The following NDUFA10 variants were observed in gnomAD, a reference collection of about 807,000 sequenced individuals.
NDUFA10 encodes NADH:ubiquinone oxidoreductase subunit A10, also known as NADH dehydrogenase [ubiquinone] 1 alpha subcomplex subunit 10, mitochondrial.
A neutral mutation model predicts 47.8 loss-of-function variants in NDUFA10; 40 were observed. The ratio of observed to expected loss-of-function variants is 0.84; its 90% confidence interval spans 0.65 to 1.09. NDUFA10 has a LOEUF of 1.09. NDUFA10 is among the 50% of genes least tolerant of loss of function. The pLI is 0.00. For missense variants in NDUFA10, 413 were observed against 451.1 expected (o/e 0.92, Z 0.76); for synonymous variants, 183 against 172.2 (o/e 1.06, Z -0.49).
intron 8 of NDUFA10, among the ~76,000 whole-genome samples, chr2:240,003,031 G>T (rs964360757): frequency 2.0e-5 from 3 of 152,106 alleles, no homozygotes; most frequent in Non-Finnish European, 4.4e-5. Flanking sequence ...TAAATTTTTT[G>T]TAGAGATGGG....
At chr2:240,021,134 G>A (rs779747857) in intron 3 of NDUFA10, 63 bp downstream of exon 3, 23 of 1,407,576 alleles carry the variant, frequency 1.6e-5, no homozygotes, top group African/African-American at 4.3e-5. Context: ...GCAATTTAAC[G>A]TGGTTGAATT....
At chr2:239,921,769 T>C (rs1693988455) in intron 4 of NDUFA10, among the ~76,000 whole-genome samples, 2 of 152,106 alleles carry the variant, frequency 1.3e-5, no homozygotes, top group Admixed American at 1.3e-4. Flanking sequence ...GGAGCTCCAG[T>C]TCCCTCTGGG....
At chr2:239,991,847 T>C (rs1047163311) in intron 8 of NDUFA10, among the ~76,000 whole-genome samples, 1 of 152,158 alleles carries the variant, frequency 6.6e-6, no homozygotes, top group African/African-American at 2.4e-5. Flanking sequence ...TGCTAGAAAA[T>C]GCGAAAGCAA....
intron 2 of NDUFA10, among the ~76,000 whole-genome samples, chr2:240,021,844 C>A (rs1481734139): frequency 6.6e-6 from 1 of 152,178 alleles, no homozygotes; most frequent in African/African-American, 2.4e-5. Context: ...GTACCATCCT[C>A]GGCTCTATTT....
rs2106481758 is a variant in NDUFA10, at chr2:240,011,660, C to T, written c.706G>A (p.Asp236Asn). 6.8e-6 allele frequency: 11 copies of T among 1,613,686 alleles called. No homozygotes were observed. Among genetic ancestry groups the T allele is most frequent in the Non-Finnish European group, 9.3e-6 (11 of 1,179,630 alleles). Residue 236 changes from aspartate to asparagine, a missense_variant, in exon 6 of 10, where the codon GAC (aspartate) becomes AAC (asparagine). Asp to Asn is a conservative substitution (Grantham distance 23, BLOSUM62 1). Transcript: ENST00000252711. ...EMKITSAYLQ[D>N]IENAYKKTFL... ...GTTTTCTTATAGGCATTCTCAATGTCCTGTAGATAGGCAGAGGTGATCTTC... is the reference window on the plus strand; with the variant it reads ...GTTTTCTTATAGGCATTCTCAATGTTCTGTAGATAGGCAGAGGTGATCTTC...
intron 4 of NDUFA10, among the ~76,000 whole-genome samples, chr2:239,909,949 T>C (rs1284250031): frequency 3.1e-5 from 4 of 129,838 alleles, no homozygotes; most frequent in Non-Finnish European, 5.0e-5. Flanking sequence ...CCAGCAAACA[T>C]ATGAAAAAAA....
At chr2:239,917,743 G>C (rs1693901222) in intron 4 of NDUFA10, among the ~76,000 whole-genome samples, 1 of 152,208 alleles carries the variant, frequency 6.6e-6, no homozygotes, top group Non-Finnish European at 1.5e-5. Context: ...AAAGTCATGT[G>C]CTGTCTTTGT....
intron 5 of NDUFA10, chr2:240,011,942 G>C (rs1052630850): frequency 1.9e-6 from 1 of 517,384 alleles, no homozygotes; most frequent in African/African-American, 1.9e-5. Flanking sequence ...CACATTCTAA[G>C]ATGTATACTT....
intron 9 of NDUFA10, among the ~76,000 whole-genome samples, chr2:239,981,499 A>C (rs1253842606): frequency 1.3e-5 from 2 of 152,254 alleles, no homozygotes; most frequent in Non-Finnish European, 2.9e-5. Context: ...ACTGGCATAA[A>C]GAAAAATTCA....
intron 9 of NDUFA10, among the ~76,000 whole-genome samples, chr2:239,989,835 T>G (rs1696169957): frequency 6.6e-6 from 1 of 152,246 alleles, no homozygotes; most frequent in Admixed American, 6.5e-5. Context: ...ATAATATGCC[T>G]GATGAAGAAC....
intron 8 of NDUFA10, among the ~76,000 whole-genome samples, chr2:239,994,035 C>A (rs1696364686): frequency 6.6e-6 from 1 of 152,126 alleles, no homozygotes; most frequent in African/African-American, 2.4e-5. Flanking sequence ...GAGTCATGGT[C>A]TCCTCCTTGT....
chr2:240,024,409 G>A (rs1279435019), intron 1 of NDUFA10, among the ~76,000 whole-genome samples: 1 of 152,162 alleles, frequency 6.6e-6, no homozygotes, highest in Non-Finnish European at 1.5e-5. Context: ...TTCCAGAAAA[G>A]GCAACTATGG....
intron 9 of NDUFA10, among the ~76,000 whole-genome samples, chr2:239,985,048 A>G (rs1217457465): frequency 6.6e-6 from 1 of 152,198 alleles, no homozygotes. Context: ...CTGCCAGAAG[A>G]CGGTAAAGCG....
chr2:239,997,180 G>A (rs184631748), intron 8 of NDUFA10, among the ~76,000 whole-genome samples: 240 of 152,096 alleles, frequency 1.6e-3, no homozygotes, highest in African/African-American at 5.5e-3. Context: ...AAGATCTAAA[G>A]TCAATAAGCT....
At chr2:239,983,064 C>T (rs1276432396) in intron 9 of NDUFA10, among the ~76,000 whole-genome samples, 1 of 152,198 alleles carries the variant, frequency 6.6e-6, no homozygotes, top group Non-Finnish European at 1.5e-5. Context: ...TTTCAGTATT[C>T]GCTTCCTTGT....
intron 4 of NDUFA10, among the ~76,000 whole-genome samples, chr2:239,932,335 T>C (rs1303921868): frequency 6.6e-6 from 1 of 152,242 alleles, no homozygotes; most frequent in Non-Finnish European, 1.5e-5. Flanking sequence ...TGTGTTTCTC[T>C]GCATTCTGCT....
In NDUFA10 at chr2:239,928,411, C is replaced by G. The variant is rs1694100943; in HGVS notation, c.295-33097G>C. Among the ~76,000 whole-genome samples, 1 of 152,182 alleles carries G rather than the reference C, an allele frequency of 6.6e-6. No homozygotes were observed. Among genetic ancestry groups the G allele is most frequent in the Non-Finnish European group, 1.5e-5 (1 of 68,034 alleles). On this transcript the variant is annotated intron_variant, in intron 4 of 5. Coordinates refer to the NDUFA10 transcript ENST00000419408. This position sits in a 1 kb window ranked among gnomAD's most constrained non-coding sequence, Gnocchi z 4.3. Reference sequence around the variant, plus strand: ...ACACAAAGAGGAAAAAGGAAAACCACTTGCGATCTGAAAATTACTTCTATT... The same window carrying G: ...ACACAAAGAGGAAAAAGGAAAACCAGTTGCGATCTGAAAATTACTTCTATT...
chr2:240,003,785 G>A, intron 8 of NDUFA10, among the ~76,000 whole-genome samples: 1 of 152,162 alleles, frequency 6.6e-6, no homozygotes, highest in Middle Eastern at 3.2e-3. Flanking sequence ...AAGCAGCAGG[G>A]GGTGGGTGGT....
At chr2:239,964,097 G>A (rs1183142552) in intron 9 of NDUFA10, among the ~76,000 whole-genome samples, 1 of 152,200 alleles carries the variant, frequency 6.6e-6, no homozygotes, top group African/African-American at 2.4e-5. Context: ...CAGGGGGCTG[G>A]TAGGCGGGGT....
Sources: allele counts gnomAD v4.1 joint callset (sites outside exome capture counted in the v4.1 genomes callset), GRCh38; gene constraint gnomAD v4.1.1; non-coding constraint Gnocchi (gnomAD v3.1); transcripts MANE v1.5; gene names NCBI Gene and HGNC (gene_info 2026-07-23, HGNC 2026-07-21).